Variants in HEMK2 observed in about 807,000 individuals in gnomAD.
HEMK2 encodes methyltransferase HEMK2.
the HEMK2 span, among the ~76,000 whole-genome samples, chr21:28,748,112 G>C: frequency 6.6e-6 from 1 of 152,214 alleles, no homozygotes; most frequent in African/African-American, 2.4e-5. Flanking sequence ...GACTACTAGA[G>C]TGAGGAGAGA....
chr21:28,786,494 A>C, the HEMK2 span, among the ~76,000 whole-genome samples: 1 of 152,246 alleles, frequency 6.6e-6, no homozygotes, highest in African/African-American at 2.4e-5. Flanking sequence ...AACATGGTGA[A>C]ACCCTGTCTC....
the HEMK2 span, chr21:28,879,998 A>G: frequency 7.7e-7 from 1 of 1,294,268 alleles, no homozygotes; most frequent in African/African-American, 1.5e-5. Flanking sequence ...TAAACTCTGA[A>G]TTAAATAACT....
chr21:28,755,545 G>T, the HEMK2 span, among the ~76,000 whole-genome samples: 5 of 152,186 alleles, frequency 3.3e-5, no homozygotes, highest in Non-Finnish European at 1.5e-5. Flanking sequence ...ATCTTCTGTG[G>T]GAAGAGCTCT....
chr21:28,809,340 T>G, the HEMK2 span, among the ~76,000 whole-genome samples: 1 of 152,150 alleles, frequency 6.6e-6, no homozygotes, highest in Non-Finnish European at 1.5e-5. Flanking sequence ...ACAGAAGGTC[T>G]CAAATGATCG....
At chr21:28,649,426 A>G in the HEMK2 span, among the ~76,000 whole-genome samples, 5 of 152,236 alleles carry the variant, frequency 3.3e-5, no homozygotes, top group Non-Finnish European at 7.3e-5. Flanking sequence ...TATTCATTCA[A>G]CAATATTCAC....
the HEMK2 span, among the ~76,000 whole-genome samples, chr21:28,779,555 G>A: frequency 6.6e-6 from 1 of 152,166 alleles, no homozygotes; most frequent in East Asian, 1.9e-4. Flanking sequence ...AGCAGGGTGA[G>A]TACAGTTAAT....
chr21:28,686,921 T>G, the HEMK2 span, among the ~76,000 whole-genome samples: 1 of 152,246 alleles, frequency 6.6e-6, no homozygotes, highest in East Asian at 1.9e-4. Context: ...ATGTTTAATT[T>G]CATCAGTGAG....
the HEMK2 span, among the ~76,000 whole-genome samples, chr21:28,796,757 C>T: frequency 3.3e-5 from 5 of 151,876 alleles, no homozygotes; most frequent in Admixed American, 2.0e-4. Context: ...TTTGTAGAAA[C>T]GGGAGTCTCC....
At chr21:28,782,827 T>G in the HEMK2 span, among the ~76,000 whole-genome samples, 1 of 152,260 alleles carries the variant, frequency 6.6e-6, no homozygotes, top group Non-Finnish European at 1.5e-5. Flanking sequence ...ATTAGTGATT[T>G]GTATAGTATT....
the HEMK2 span, among the ~76,000 whole-genome samples, chr21:28,631,173 G>C: frequency 1.3e-5 from 2 of 152,080 alleles, no homozygotes; most frequent in South Asian, 2.1e-4. Flanking sequence ...TAAATGGACA[G>C]TTTCAGAGGG....
At chr21:28,758,696 T>C in the HEMK2 span, among the ~76,000 whole-genome samples, 12 of 152,184 alleles carry the variant, frequency 7.9e-5, no homozygotes, top group African/African-American at 2.9e-4. Context: ...TTAAATTCTT[T>C]GGAACACTTC....
the HEMK2 span, among the ~76,000 whole-genome samples, chr21:28,866,614 A>G: frequency 6.6e-6 from 1 of 151,372 alleles, no homozygotes; most frequent in Non-Finnish European, 1.5e-5. Context: ...CATGCCTATA[A>G]TCCAGCTACT....
chr21:28,825,877 C>T, the HEMK2 span, among the ~76,000 whole-genome samples: 4 of 152,314 alleles, frequency 2.6e-5, no homozygotes, highest in Non-Finnish European at 5.9e-5. Context: ...TCTTAGAAGA[C>T]TACAGCCTAG....
the HEMK2 span, among the ~76,000 whole-genome samples, chr21:28,762,359 C>A: frequency 6.6e-6 from 1 of 151,986 alleles, no homozygotes. Flanking sequence ...TGAAGGTTAT[C>A]CAAACCATGG....
At chr21:28,609,513 A>G in the HEMK2 span, among the ~76,000 whole-genome samples, 3 of 151,452 alleles carry the variant, frequency 2.0e-5, no homozygotes, top group African/African-American at 7.3e-5. Context: ...CCAAAAGATC[A>G]CACTAGCTCA....
At chr21:28,733,528 T>C in the HEMK2 span, among the ~76,000 whole-genome samples, 3 of 152,192 alleles carry the variant, frequency 2.0e-5, no homozygotes, top group Non-Finnish European at 2.9e-5. Context: ...GATGCACTTG[T>C]GGACCTCTCT....
the HEMK2 span, among the ~76,000 whole-genome samples, chr21:28,780,818 A>AC: frequency 8.6e-5 from 13 of 151,016 alleles, no homozygotes; most frequent in Admixed American, 6.6e-5. Flanking sequence ...TTTTATTTCA[A>AC]CCCCCCCTCC....
chr21:28,677,889 C>G, the HEMK2 span, among the ~76,000 whole-genome samples: 3 of 152,292 alleles, frequency 2.0e-5, no homozygotes, highest in African/African-American at 7.2e-5. Flanking sequence ...CACCAAAACC[C>G]CATCTGTACG....
chr21:28,726,313 TAATA>T, the HEMK2 span, among the ~76,000 whole-genome samples: 1 of 151,950 alleles, frequency 6.6e-6, no homozygotes, highest in Non-Finnish European at 1.5e-5. Flanking sequence ...TTTTAAATAT[TAATA>T]AATAAACTTA....
Sources: gnomAD v4.1 joint callset for allele counts (sites outside exome capture counted in the v4.1 genomes callset) on GRCh38, gnomAD v4.1.1 for gene constraint, MANE v1.5 for transcripts, NCBI Gene and HGNC (gene_info 2026-07-23, HGNC 2026-07-21) for gene names.